The following GALNT11 variants were observed in gnomAD, a reference collection of about 807,000 sequenced individuals.
GALNT11 encodes the protein UDP-GalNAc:polypeptide N-acetylgalactosaminyltransferase 11.
GALNT11 carries 47 observed loss-of-function variants against 72.7 expected under a neutral mutation model. That is an observed-to-expected ratio of 0.65 (90% confidence interval 0.51 to 0.82). GALNT11 has a LOEUF of 0.82. Among genes scored for constraint, GALNT11 ranks in the 40% least tolerant of loss-of-function variants. The pLI is 0.00. For missense variants in GALNT11, 677 were observed against 778.4 expected, an observed-to-expected ratio of 0.87 and a Z score of 1.55; for synonymous variants, 270 against 286.6, an observed-to-expected ratio of 0.94 and a Z score of 0.58.
At chr7:152,112,299 G>C (rs2088311286) in intron 7 of GALNT11, among the ~76,000 whole-genome samples, 1 of 152,182 alleles carries the variant, frequency 6.6e-6, no homozygotes, top group South Asian at 2.1e-4. Context: ...CCAGCACTTT[G>C]GGAGGCCAAG....
At chr7:152,112,015 G>A (rs2088275688) in intron 7 of GALNT11, among the ~76,000 whole-genome samples, 1 of 152,160 alleles carries the variant, frequency 6.6e-6, no homozygotes, top group African/African-American at 2.4e-5. Flanking sequence ...TTTGAAAGGT[G>A]ACAGCATAGG....
chr7:152,046,764 A>G (rs2083147520), intron 1 of GALNT11, among the ~76,000 whole-genome samples: 1 of 152,102 alleles, frequency 6.6e-6, no homozygotes, highest in Non-Finnish European at 1.5e-5. Flanking sequence ...GTGTCTTTTG[A>G]CTGGGGAGTT....
intron 3 of GALNT11, among the ~76,000 whole-genome samples, 198 bp downstream of exon 3, chr7:152,101,119 T>G (rs1370907941): frequency 1.3e-5 from 2 of 152,206 alleles, no homozygotes; most frequent in Non-Finnish European, 1.5e-5. Context: ...GTCCTGGAGC[T>G]TGCTGTGTCT....
chr7:152,065,092 A>G (rs1017229076), intron 1 of GALNT11, among the ~76,000 whole-genome samples: 1 of 152,200 alleles, frequency 6.6e-6, no homozygotes. Context: ...AGGCACACCA[A>G]TCAGACGTAG....
At chr7:152,037,335 A>G (rs2082629587) in intron 1 of GALNT11, among the ~76,000 whole-genome samples, 1 of 152,034 alleles carries the variant, frequency 6.6e-6, no homozygotes, top group South Asian at 2.1e-4. Flanking sequence ...TTCCCAATGT[A>G]TGTTCTTGGC....
chr7:152,048,686 C>T (rs956747554), intron 1 of GALNT11, among the ~76,000 whole-genome samples: 5 of 151,746 alleles, frequency 3.3e-5, no homozygotes, highest in East Asian at 1.9e-4. Context: ...CCCACCACCA[C>T]GCCTGGCTAA....
intron 1 of GALNT11, among the ~76,000 whole-genome samples, chr7:152,054,049 A>T (rs58274583): frequency 0.16 from 24,278 of 152,066 alleles, 4,716 homozygotes; most frequent in African/African-American, 0.46. Context: ...TAGTCTTTTT[A>T]ATATACTTGT....
At chr7:152,067,138 A>C (rs967140499) in intron 1 of GALNT11, among the ~76,000 whole-genome samples, 1 of 152,198 alleles carries the variant, frequency 6.6e-6, no homozygotes, top group Admixed American at 6.5e-5. Flanking sequence ...GATTTGTTTC[A>C]TGTTTTGGGG....
intron 1 of GALNT11, among the ~76,000 whole-genome samples, chr7:152,064,570 A>G (rs915763370): frequency 6.6e-6 from 1 of 152,270 alleles, no homozygotes; most frequent in East Asian, 1.9e-4. Flanking sequence ...ACAATTTGGC[A>G]TGTTTTTGCA....
At chr7:152,037,632 CTT>C (rs1192622694) in intron 1 of GALNT11, among the ~76,000 whole-genome samples, 1 of 151,346 alleles carries the variant, frequency 6.6e-6, no homozygotes, top group Non-Finnish European at 1.5e-5. Context: ...TGAAGAATGT[CTT>C]TGGTTCATTG....
At chr7:152,063,493 GC>G (rs1261751747) in intron 1 of GALNT11, among the ~76,000 whole-genome samples, 1 of 151,948 alleles carries the variant, frequency 6.6e-6, no homozygotes. Flanking sequence ...GTTATTTCTT[GC>G]CTTCTGCTAG....
intron 1 of GALNT11, among the ~76,000 whole-genome samples, chr7:152,049,148 G>C (rs1358875327): frequency 6.6e-6 from 1 of 152,024 alleles, no homozygotes; most frequent in African/African-American, 2.4e-5. Context: ...CATTTGGTGA[G>C]GTCATGTTTT....
chr7:152,028,005 G>A (rs1303814622), intron 1 of GALNT11, among the ~76,000 whole-genome samples: 10 of 152,142 alleles, frequency 6.6e-5, no homozygotes, highest in South Asian at 2.1e-4. Flanking sequence ...TTTGTTCCTC[G>A]CAGTAGGTTT....
chr7:152,075,282 C>A (rs2084890616), intron 1 of GALNT11: 1 of 152,236 alleles, frequency 6.6e-6, no homozygotes. Flanking sequence ...TTGAATTTTC[C>A]CAGCTTTTTC....
chr7:152,089,517 C>A (rs1297005230), intron 1 of GALNT11, among the ~76,000 whole-genome samples: 3 of 152,194 alleles, frequency 2.0e-5, no homozygotes, highest in African/African-American at 4.8e-5. Context: ...TGGCTGGAGC[C>A]AGACCGCGCA....
Position 152,101,764 on chromosome 7 carries a change from G to A in GALNT11, c.419+843G>A, listed in dbSNP as rs573692714. On this transcript the variant is annotated intron_variant, in intron 3 of 11. Transcript: ENST00000430044. ...TTCTCCTGCCTCGGCCTCCTGAGTA[G>A]CTAGGACTACAGGCGTGCACCACCA... Among the ~76,000 whole-genome samples, 13 of 152,080 alleles carry A rather than the reference G, an allele frequency of 8.5e-5. No individual in the cohort carries two copies. The South Asian group carries it at 1.0e-3, about 12-fold the overall frequency.
chr7:152,059,382 A>G (rs1027932461), intron 1 of GALNT11, among the ~76,000 whole-genome samples: 2 of 152,124 alleles, frequency 1.3e-5, no homozygotes, highest in East Asian at 3.9e-4. Context: ...GATTACAGGC[A>G]TGAGACACCA....
chr7:152,092,054 G>C (rs1174689258), intron 1 of GALNT11, among the ~76,000 whole-genome samples: 2 of 152,134 alleles, frequency 1.3e-5, no homozygotes. Flanking sequence ...ATGAAGAAGG[G>C]GTTGGCTCCC....
At chr7:152,103,302 C>T (rs1450244464) in intron 4 of GALNT11, 24 bp downstream of exon 4, 2 of 1,602,196 alleles carry the variant, frequency 1.2e-6, no homozygotes, top group East Asian at 2.2e-5. Context: ...CACCTGGTAA[C>T]ATTGGATCCA....
Sources: allele counts gnomAD v4.1 joint callset (sites outside exome capture counted in the v4.1 genomes callset), GRCh38; gene constraint gnomAD v4.1.1; transcripts MANE v1.5; gene names NCBI Gene and HGNC (gene_info 2026-07-23, HGNC 2026-07-21).